The following LATS1 variants were observed in gnomAD, a reference collection of about 807,000 sequenced individuals.
LATS1 encodes the protein serine/threonine-protein kinase LATS1.
LATS1 carries 25 observed loss-of-function variants against 106.6 expected under a neutral mutation model. The ratio of observed to expected loss-of-function variants is 0.23; its 90% confidence interval spans 0.17 to 0.33. The LOEUF (loss-of-function observed/expected upper bound fraction) is 0.33, where lower values mean the gene tolerates loss of function less well. Among genes scored for constraint, LATS1 ranks in the 10% least tolerant of loss-of-function variants. The probability of loss-of-function intolerance (pLI) is 1.00; values close to 1 mark genes in which losing one functional copy is unlikely to be tolerated. For missense variants in LATS1, 1,040 were observed against 1,382.6 expected, an observed-to-expected ratio of 0.75 and a Z score of 3.93; for synonymous variants, 465 against 455.6, an observed-to-expected ratio of 1.02 and a Z score of -0.26.
Position 149,683,888 on chromosome 6 carries a change from T to C in LATS1, c.1201A>G (p.Thr401Ala), listed in dbSNP as rs751445261. 22 of 1,614,030 alleles carry C rather than the reference T, an allele frequency of 1.4e-5. No homozygotes were observed. Among genetic ancestry groups the C allele is most frequent in the Non-Finnish European group, 1.8e-5 (21 of 1,180,028 alleles). The part of the protein sequence containing the change: ...TGGSAAPSSY[T>A]NGSIPQSMMV... Reference sequence around the variant, plus strand: ...ATAGACTGAGGAATACTTCCATTTGTATATGACGAAGGAGCAGCAGATCCC... The same window carrying C: ...ATAGACTGAGGAATACTTCCATTTGCATATGACGAAGGAGCAGCAGATCCC... Residue 401 changes from threonine to alanine, a missense_variant, in exon 4 of 8, where the codon ACA (threonine) becomes GCA (alanine). Physicochemically the swap from Thr to Ala is moderately conservative, Grantham distance 58. Around this residue, in one of 7 missense-constraint regions of LATS1, gnomAD observed 624 missense variants for 714.8 expected, o/e 0.87. Transcript: ENST00000543571.
intron 1 of LATS1, among the ~76,000 whole-genome samples, chr6:149,711,143 A>G (rs753287072): frequency 1.3e-5 from 2 of 152,184 alleles, no homozygotes; most frequent in Non-Finnish European, 2.9e-5. Context: ...TGAGTTTACC[A>G]ATACATGTGA....
Position 149,661,116 on chromosome 6 carries a change from G to GC in LATS1, c.*612_*613insG, listed in dbSNP as rs934859342. 2 of 48,146 alleles carry GC rather than the reference G, an allele frequency of 4.2e-5. No homozygotes were observed. Among genetic ancestry groups the GC allele is most frequent in the African/African-American group, 8.2e-5 (1 of 12,158 alleles). 3.0% of individuals were successfully genotyped at this position (48,146 alleles called of 1,614,324 possible). ...TTAAATATTCCATGGGGCGGGGGGT[G>GC]GGGGGGAAGATAAATGCATTATTTT... On this transcript the variant is annotated 3_prime_UTR_variant, in exon 8 of 8. Transcript: ENST00000543571.
chr6:149,678,162 TCCAAAAAAAAAAAAA>T lies in LATS1; in HGVS notation c.2594-1440_2594-1426del, dbSNP rs1244815793. On this transcript the variant is annotated intron_variant, in intron 5 of 7. Coordinates refer to ENST00000543571, the MANE Select transcript of LATS1 (RefSeq NM_004690.4). The stretch of plus-strand genomic sequence containing the variant: ...GGTGAAACCTGGTCTCTACTAAAAA[TCCAAAAAAAAAAAAA>T]AAAAAAAAAAAAAAAAAATAGCCGG... Among the ~76,000 whole-genome samples, 46 of 28,628 alleles carry T rather than the reference TCCAAAAAAAAAAAAA, an allele frequency of 1.6e-3. 3 individuals are homozygous for T. In the East Asian group the frequency reaches 0.041, roughly 25 times the overall value. 18.8% of individuals were successfully genotyped at this position (28,628 alleles called of 152,430 possible). A position where few individuals can be genotyped will look rare whatever the true frequency, so the allele number is the denominator to read the frequency against.
chr6:149,688,537 T>G (rs1055150994), intron 3 of LATS1, among the ~76,000 whole-genome samples: 1 of 151,694 alleles, frequency 6.6e-6, no homozygotes, highest in Non-Finnish European at 1.5e-5. Flanking sequence ...CTTGAATTCC[T>G]GACGTCGTGA....
At chr6:149,667,322 G>T (rs1331038989) in intron 7 of LATS1, among the ~76,000 whole-genome samples, 4 of 150,880 alleles carry the variant, frequency 2.7e-5, no homozygotes, top group Admixed American at 6.6e-5. Context: ...CAGTCCCAGC[G>T]ACTCAGGAGG....
intron 7 of LATS1, among the ~76,000 whole-genome samples, chr6:149,669,641 A>G (rs1426832196): frequency 6.6e-6 from 1 of 151,786 alleles, no homozygotes; most frequent in Non-Finnish European, 1.5e-5. Context: ...TGTGCCTGTA[A>G]TCCAGGCTAC....
At chr6:149,715,777 G>A (rs1317570709) in intron 1 of LATS1, among the ~76,000 whole-genome samples, 1 of 152,062 alleles carries the variant, frequency 6.6e-6, no homozygotes, top group Non-Finnish European at 1.5e-5. Context: ...CCCACAACAA[G>A]GTATGGTTAA....
At chr6:149,706,128 A>G (rs989084594) in intron 1 of LATS1, among the ~76,000 whole-genome samples, 3 of 124,352 alleles carry the variant, frequency 2.4e-5, no homozygotes, top group Non-Finnish European at 4.7e-5. Context: ...GGTTGTGGTG[A>G]GCCGAGATCG....
chr6:149,705,864 T>C (rs1250391329), intron 1 of LATS1, among the ~76,000 whole-genome samples: 1 of 152,122 alleles, frequency 6.6e-6, no homozygotes, highest in African/African-American at 2.4e-5. Flanking sequence ...AGAATCACTG[T>C]AGCGGGCTGA....
At position 149,683,344 on chromosome 6, in the gene LATS1, T is replaced by G; in HGVS notation, c.1745A>C (p.Glu582Ala). 6.2e-7 allele frequency: 1 copy of G among 1,614,248 alleles called. No individual in the cohort carries two copies. ...PYESISKPSK[E>A]DQPSLPKEDE... ...TTCCTTGGGCAAGCTTGGCTGATCC[T>G]CTTTGCTAGGCTTACTGATTGACTC... is the stretch of plus-strand genomic sequence containing the variant. Residue 582 changes from glutamate (E) to alanine (A), a missense_variant, in exon 4 of 8, where the codon GAG becomes GCG. This residue lies in a region of LATS1 where 624 missense variants were observed against 714.8 expected (regional missense o/e 0.87). Transcript: ENST00000543571.
chr6:149,715,697 G>T lies in LATS1; in HGVS notation c.-141+2152C>A, dbSNP rs546487994. On this transcript the variant is annotated intron_variant, in intron 1 of 7. Coordinates refer to ENST00000543571, the MANE Select transcript of LATS1 (RefSeq NM_004690.4). Reference sequence around the variant, plus strand: ...AGAAGTGGAATTGCTGGATCAAAGAGAATACATATTTAAAATTCTGATACT... The same window carrying T: ...AGAAGTGGAATTGCTGGATCAAAGATAATACATATTTAAAATTCTGATACT... 7.9e-5 allele frequency among the ~76,000 whole-genome samples: 12 copies of T among 152,208 alleles called. No individual in the cohort carries two copies. The East Asian group carries it at 2.1e-3, about 27-fold the overall frequency.
chr6:149,694,549 T>C (rs1305403131), intron 3 of LATS1, among the ~76,000 whole-genome samples: 1 of 152,140 alleles, frequency 6.6e-6, no homozygotes, highest in African/African-American at 2.4e-5. Flanking sequence ...GTACATGGTA[T>C]ATTAAGTGAA....
intron 1 of LATS1, among the ~76,000 whole-genome samples, chr6:149,703,567 C>T (rs1474356262): frequency 6.6e-6 from 1 of 152,054 alleles, no homozygotes; most frequent in African/African-American, 2.4e-5. Flanking sequence ...AAATGAGATT[C>T]AAGTACTTGT....
chr6:149,698,441 T>C (rs1443761822), intron 2 of LATS1, among the ~76,000 whole-genome samples: 1 of 152,098 alleles, frequency 6.6e-6, no homozygotes, highest in Non-Finnish European at 1.5e-5. Flanking sequence ...AGACAGGGTC[T>C]CACTATGTTG....
intron 3 of LATS1, among the ~76,000 whole-genome samples, chr6:149,693,179 C>T (rs1782869483): frequency 6.6e-6 from 1 of 151,664 alleles, no homozygotes. Context: ...TGGAGAACTG[C>T]TTGAACCCGG....
At chr6:149,685,328 G>A (rs1782312435) in intron 3 of LATS1, among the ~76,000 whole-genome samples, 2 of 151,938 alleles carry the variant, frequency 1.3e-5, no homozygotes, top group African/African-American at 4.8e-5. Flanking sequence ...GCATTATTAG[G>A]CCAAAGGGCG....
intron 4 of LATS1, among the ~76,000 whole-genome samples, chr6:149,682,096 G>A (rs1013664939): frequency 7.1e-6 from 1 of 141,836 alleles, no homozygotes; most frequent in Non-Finnish European, 1.5e-5. Context: ...TGGCGACAGA[G>A]TGAGATGTCG....
At chr6:149,696,557 C>CT (rs1346680584) in intron 2 of LATS1, among the ~76,000 whole-genome samples, 53 of 50,026 alleles carry the variant, frequency 1.1e-3, no homozygotes, top group African/African-American at 4.6e-3. Context: ...AAAACTCCGT[C>CT]TTAAAAAAAA....
At chr6:149,685,459 C>G (rs1288791654) in intron 3 of LATS1, among the ~76,000 whole-genome samples, 1 of 152,040 alleles carries the variant, frequency 6.6e-6, no homozygotes, top group Non-Finnish European at 1.5e-5. Context: ...GGCACAGACT[C>G]ACTGCAACCT....
Sources: allele counts gnomAD v4.1 joint callset (sites outside exome capture counted in the v4.1 genomes callset), GRCh38; gene constraint gnomAD v4.1.1; regional missense constraint gnomAD v4.1.1; transcripts MANE v1.5; gene names NCBI Gene and HGNC (gene_info 2026-07-23, HGNC 2026-07-21).